USP12: variants seen among roughly 807,000 people sequenced by gnomAD.
USP12 encodes ubiquitin carboxyl-terminal hydrolase 12.
In USP12, 19 loss-of-function variants were observed where a neutral mutation model predicts 45.5. The observed-to-expected ratio is 0.42, with a 90% confidence interval of 0.29 to 0.61. USP12 has a LOEUF of 0.61. Ranked by LOEUF, USP12 falls within the 20% of genes least tolerant of loss-of-function variation. The pLI is 0.22. For missense variants in USP12, 242 were observed against 447.7 expected, an observed-to-expected ratio of 0.54 and a Z score of 4.15; for synonymous variants, 149 against 148.8, an observed-to-expected ratio of 1.00 and a Z score of -0.01.
intron 3 of USP12, among the ~76,000 whole-genome samples, chr13:27,102,162 C>G (rs1030390164): frequency 6.6e-6 from 1 of 152,172 alleles, no homozygotes; most frequent in Non-Finnish European, 1.5e-5. Flanking sequence ...CTACAGATGC[C>G]AGCTGATGTG....
In USP12 at chr13:27,124,210, G is replaced by A. The variant is rs140800496; in HGVS notation, c.49-7614C>T. On this transcript the variant is annotated intron_variant, in intron 1 of 8. Coordinates refer to ENST00000282344, the MANE Select transcript of USP12 (RefSeq NM_182488.4). Reference sequence around the variant, plus strand: ...CACACAAAAGTAAACTAACAACCAGGAATGTTTTCAAGAAAACAATTCAAT... The same window carrying A: ...CACACAAAAGTAAACTAACAACCAGAAATGTTTTCAAGAAAACAATTCAAT... Among the ~76,000 whole-genome samples the A allele has an allele frequency of 4.6e-4, 70 of 152,162 alleles. 1 individual carries two copies. The East Asian group carries it at 0.013, about 28-fold the overall frequency.
intron 3 of USP12, among the ~76,000 whole-genome samples, chr13:27,103,284 A>G (rs1259138155): frequency 1.3e-5 from 2 of 152,216 alleles, no homozygotes; most frequent in Non-Finnish European, 2.9e-5. Context: ...TGAATAATAT[A>G]TTAAATCCTC....
chr13:27,129,773 A>G lies in USP12; in HGVS notation c.49-13177T>C, dbSNP rs1876408258. On this transcript the variant is annotated intron_variant, in intron 1 of 8. Coordinates refer to ENST00000282344, the MANE Select transcript of USP12 (RefSeq NM_182488.4). The surrounding 1 kb of genome is among the most constrained non-coding windows in gnomAD (Gnocchi z 4.0). ...GAAATGCTGCAAAGAACTTTATTCC[A>G]TTAATGTAGTTTCGGTCTTTTCAAC... Among the ~76,000 whole-genome samples, 1 of 152,230 alleles carries G rather than the reference A, an allele frequency of 6.6e-6. No individual in the cohort carries two copies. Among genetic ancestry groups the G allele is most frequent in the South Asian group, 2.1e-4 (1 of 4,836 alleles).
At chr13:27,158,017 T>C (rs1420870303) in intron 1 of USP12, among the ~76,000 whole-genome samples, 3 of 152,222 alleles carry the variant, frequency 2.0e-5, no homozygotes, top group Non-Finnish European at 2.9e-5. Flanking sequence ...ATTGCGCCAT[T>C]AGTTTTACTG....
intron 1 of USP12, among the ~76,000 whole-genome samples, chr13:27,138,993 T>C (rs1429029615): frequency 1.3e-5 from 2 of 152,208 alleles, no homozygotes; most frequent in Non-Finnish European, 2.9e-5. Flanking sequence ...CATTCAGCCT[T>C]ACAATCGCAT....
intron 2 of USP12, among the ~76,000 whole-genome samples, chr13:27,110,127 T>TTAAAAAA (rs9319342): frequency 0.069 from 8,232 of 119,398 alleles, 521 homozygotes; most frequent in African/African-American, 0.1. Context: ...CTTTTCCAGG[T>TTAAAAAA]AAAAAAAAAA....
intron 6 of USP12, among the ~76,000 whole-genome samples, chr13:27,076,459 C>T (rs1233950066): frequency 6.6e-6 from 1 of 152,140 alleles, no homozygotes; most frequent in Non-Finnish European, 1.5e-5. Flanking sequence ...ACAAATACAC[C>T]TGCTCTCTTC....
chr13:27,114,535 TAC>T (rs1409144317), intron 2 of USP12, among the ~76,000 whole-genome samples: 1 of 152,210 alleles, frequency 6.6e-6, no homozygotes, highest in African/African-American at 2.4e-5. Context: ...GCATTGTATC[TAC>T]AGGAGATAAG....
At chr13:27,109,455 A>C (rs1255046523) in intron 2 of USP12, among the ~76,000 whole-genome samples, 1 of 152,218 alleles carries the variant, frequency 6.6e-6, no homozygotes, top group African/African-American at 2.4e-5. Context: ...ACCACAAAGA[A>C]GGAAAAGGCC....
intron 2 of USP12, among the ~76,000 whole-genome samples, chr13:27,115,246 G>T (rs2137796389): frequency 6.6e-6 from 1 of 152,222 alleles, no homozygotes; most frequent in South Asian, 2.1e-4. Flanking sequence ...TAACTGAAAT[G>T]CTGTTTTTTA....
chr13:27,162,844 A>G (rs972161835), intron 1 of USP12: 3 of 151,764 alleles, frequency 2.0e-5, no homozygotes, highest in Non-Finnish European at 4.4e-5. Context: ...TGTTTTTCCT[A>G]TTTTCCTTCC....
chr13:27,163,900 A>C (rs1878237473), intron 1 of USP12, among the ~76,000 whole-genome samples: 1 of 152,170 alleles, frequency 6.6e-6, no homozygotes. Context: ...CCCAGGGGTC[A>C]AGAGGACTAC....
At chr13:27,167,274 A>AT (rs1555240347) in intron 1 of USP12, among the ~76,000 whole-genome samples, 29 of 151,902 alleles carry the variant, frequency 1.9e-4, no homozygotes, top group African/African-American at 2.7e-4. Flanking sequence ...AAAAAAAAAT[A>AT]AAATAAATAA....
chr13:27,163,984 C>T (rs1457271951), intron 1 of USP12, among the ~76,000 whole-genome samples: 1 of 151,750 alleles, frequency 6.6e-6, no homozygotes, highest in Non-Finnish European at 1.5e-5. Flanking sequence ...TTATCACAGT[C>T]GTCTTCATGT....
At chr13:27,136,683 T>G (rs971636580) in intron 1 of USP12, among the ~76,000 whole-genome samples, 1 of 152,198 alleles carries the variant, frequency 6.6e-6, no homozygotes, top group Non-Finnish European at 1.5e-5. Flanking sequence ...TTTCCAAATA[T>G]GTACTGACTA....
At chr13:27,150,443 A>C (rs973112821) in intron 1 of USP12, among the ~76,000 whole-genome samples, 2 of 152,228 alleles carry the variant, frequency 1.3e-5, no homozygotes, top group Non-Finnish European at 2.9e-5. Context: ...AAATTAAAGG[A>C]AATCTAAACA....
chr13:27,096,529 A>G (rs189101479), intron 3 of USP12, among the ~76,000 whole-genome samples: 9 of 152,350 alleles, frequency 5.9e-5, no homozygotes, highest in Admixed American at 3.3e-4. Context: ...TTGGCAATAT[A>G]CAACTCTACC....
chr13:27,131,764 C>CA (rs1876513620), intron 1 of USP12, among the ~76,000 whole-genome samples: 1 of 152,182 alleles, frequency 6.6e-6, no homozygotes, highest in Admixed American at 6.5e-5. Flanking sequence ...GTGTAAAACT[C>CA]AAAGTATTAT....
intron 6 of USP12, among the ~76,000 whole-genome samples, chr13:27,087,893 C>G (rs971239716): frequency 1.1e-4 from 16 of 152,082 alleles, no homozygotes; most frequent in African/African-American, 3.6e-4. Flanking sequence ...ACCTTTGGGT[C>G]CACTGTAAGA....
Sources: allele counts gnomAD v4.1 joint callset (sites outside exome capture counted in the v4.1 genomes callset), GRCh38; gene constraint gnomAD v4.1.1; non-coding constraint Gnocchi (gnomAD v3.1); transcripts MANE v1.5; gene names NCBI Gene and HGNC (gene_info 2026-07-23, HGNC 2026-07-21).